The following AP3B1 variants were observed in gnomAD, a reference collection of about 807,000 sequenced individuals.
AP3B1 encodes adaptor related protein complex 3 subunit beta 1, also known as AP-3 complex subunit beta-1.
In AP3B1, 61 loss-of-function variants were observed where a neutral mutation model predicts 132.5. The observed-to-expected ratio is 0.46, with a 90% CI of 0.37 to 0.57. The LOEUF is 0.57. Ranked by LOEUF, AP3B1 falls within the 20% of genes least tolerant of loss-of-function variation. The pLI, the probability that AP3B1 is intolerant of heterozygous loss-of-function variation, is 0.00. For missense variants in AP3B1, 1,120 were observed against 1,289.4 expected, an observed-to-expected ratio of 0.87 and a Z score of 2.01; for synonymous variants, 388 against 438.3, an observed-to-expected ratio of 0.89 and a Z score of 1.43.
At chr5:78,243,676 C>A (rs1747242375) in intron 2 of AP3B1, among the ~76,000 whole-genome samples, 1 of 152,132 alleles carries the variant, frequency 6.6e-6, no homozygotes, top group Non-Finnish European at 1.5e-5. Flanking sequence ...AAAGGCCTTC[C>A]TTTTGGCAGG....
chr5:78,135,619 T>C (rs907134722), intron 15 of AP3B1, among the ~76,000 whole-genome samples: 1 of 152,188 alleles, frequency 6.6e-6, no homozygotes, highest in Non-Finnish European at 1.5e-5. Context: ...CACATATGTA[T>C]TTATGCTATT....
intron 7 of AP3B1, among the ~76,000 whole-genome samples, chr5:78,205,699 T>C (rs553790191): frequency 3.7e-4 from 57 of 152,198 alleles, no homozygotes; most frequent in South Asian, 2.1e-3. Context: ...TAGAAAATGG[T>C]CAGCATGTCA....
intron 22 of AP3B1, among the ~76,000 whole-genome samples, chr5:78,046,329 G>C (rs1237284546): frequency 6.6e-6 from 1 of 152,192 alleles, no homozygotes; most frequent in Non-Finnish European, 1.5e-5. Context: ...CGCATGCGAG[G>C]GATCTAGGCA....
At chr5:78,111,675 G>A (rs989907900) in intron 19 of AP3B1, among the ~76,000 whole-genome samples, 2 of 152,052 alleles carry the variant, frequency 1.3e-5, no homozygotes, top group South Asian at 2.1e-4. Flanking sequence ...TTCTCTCAGG[G>A]GATGACAAAT....
rs762722968 is a variant in AP3B1, at chr5:78,128,084, A to G, written c.1914T>C (p.Asn638=). The G allele has an allele frequency of 3.7e-6, 6 of 1,613,364 alleles. No homozygotes were observed. The highest frequency in any genetic ancestry group is 5.1e-6 in the Non-Finnish European group (6 of 1,179,480). ...ATGGGTCGGGCGCCACCTCTGGCCA[A>G]TTAGATAATTCCAGGTACCCAGTAG... ...IKATGYLELS[N]WPEVAPDPSV... is the part of the protein sequence containing the mutation. The change falls in exon 17 of 27, where the codon AAT becomes AAC. Residue 638 remains asparagine, a synonymous_variant. Coordinates refer to ENST00000255194, the MANE Select transcript of AP3B1 (RefSeq NM_003664.5).
At chr5:78,059,455 C>G (rs1433538974) in intron 22 of AP3B1, among the ~76,000 whole-genome samples, 1 of 152,180 alleles carries the variant, frequency 6.6e-6, no homozygotes. Context: ...AACCCCTGTT[C>G]TGAATTCTTA....
intron 1 of AP3B1, among the ~76,000 whole-genome samples, chr5:78,277,571 G>A (rs779128403): frequency 2.4e-4 from 37 of 152,236 alleles, no homozygotes; most frequent in South Asian, 2.3e-3. Flanking sequence ...CTGAGGTCTC[G>A]AAGTACAAGG....
At chr5:78,237,077 C>T (rs1561494151) in intron 3 of AP3B1, among the ~76,000 whole-genome samples, 1 of 152,134 alleles carries the variant, frequency 6.6e-6, no homozygotes, top group Non-Finnish European at 1.5e-5. Flanking sequence ...CATAAACTGG[C>T]CACAAGAATA....
At chr5:78,164,977 A>C (rs1466154255) in intron 12 of AP3B1, among the ~76,000 whole-genome samples, 2 of 152,186 alleles carry the variant, frequency 1.3e-5, no homozygotes, top group Non-Finnish European at 2.9e-5. Context: ...CATAATACTG[A>C]TGTAAAGTTT....
intron 13 of AP3B1, among the ~76,000 whole-genome samples, chr5:78,159,552 A>G (rs1047430957): frequency 6.6e-6 from 1 of 152,074 alleles, no homozygotes; most frequent in Non-Finnish European, 1.5e-5. Flanking sequence ...TCTTCCAACA[A>G]TCACATCACC....
At chr5:78,038,270 T>C (rs977460675) in intron 23 of AP3B1, among the ~76,000 whole-genome samples, 1 of 152,186 alleles carries the variant, frequency 6.6e-6, no homozygotes, top group Non-Finnish European at 1.5e-5. Flanking sequence ...ATGTAAAAAT[T>C]GGATGTGGAT....
At chr5:78,193,792 C>T (rs1352012606) in intron 7 of AP3B1, among the ~76,000 whole-genome samples, 13 of 104,374 alleles carry the variant, frequency 1.2e-4, no homozygotes, top group South Asian at 1.2e-3. Flanking sequence ...GACAGAGTCT[C>T]GCTCTGTCAC....
At chr5:78,213,081 G>A (rs150850680) in intron 7 of AP3B1, among the ~76,000 whole-genome samples, 2,146 of 151,842 alleles carry the variant, frequency 0.014, 58 homozygotes, top group African/African-American at 0.049. Context: ...GGGTTTCACC[G>A]TGTTAGCCAG....
intron 20 of AP3B1, among the ~76,000 whole-genome samples, chr5:78,106,414 T>C (rs753192819): frequency 9.2e-5 from 14 of 152,104 alleles, no homozygotes; most frequent in African/African-American, 3.4e-4. Context: ...GCTGGGATCA[T>C]GCCACTGCAT....
chr5:78,205,806 C>A (rs576578631), intron 7 of AP3B1, among the ~76,000 whole-genome samples: 3 of 152,064 alleles, frequency 2.0e-5, no homozygotes, highest in Non-Finnish European at 2.9e-5. Flanking sequence ...AGGACATACA[C>A]AGAATCATGG....
rs114284166 is a variant in AP3B1 at position 78,091,650 on chromosome 5, T to A, written c.2471-2151A>T. On this transcript the variant is annotated intron_variant, in intron 21 of 26. Transcript: ENST00000255194. ...GAATAAGAGGAAAGAAAGAAGCCAG[T>A]TAATTGTTGGATAACAGAATGCTAT... is the stretch of plus-strand genomic sequence containing the variant. Among the ~76,000 whole-genome samples, 282 of 152,306 alleles carry A rather than the reference T, an allele frequency of 1.9e-3. 1 individual carries two copies. The highest frequency in any genetic ancestry group is 6.5e-3 in the African/African-American group (271 of 41,576).
intron 14 of AP3B1, among the ~76,000 whole-genome samples, chr5:78,155,320 C>T (rs549253489): frequency 1.2e-4 from 19 of 152,296 alleles, no homozygotes; most frequent in Admixed American, 5.9e-4. Context: ...GATGAGAAAG[C>T]GGTGACACCG....
chr5:78,164,815 T>C lies in AP3B1; in HGVS notation c.1230+795A>G, dbSNP rs76741013. On this transcript the variant is annotated intron_variant, in intron 12 of 26. Coordinates refer to ENST00000255194, the MANE Select transcript of AP3B1 (RefSeq NM_003664.5). ...AAGAAATCGTGTATACAGTGTCTTA[T>C]AACCAAGAAGAAATTTAATATTGGC... is the stretch of plus-strand genomic sequence containing the variant. Among the ~76,000 whole-genome samples, 1,095 of 152,196 alleles carry C rather than the reference T, an allele frequency of 7.2e-3. 9 individuals carry two copies. Among genetic ancestry groups the C allele is most frequent in the African/African-American group, 0.025 (1,045 of 41,542 alleles).
At chr5:78,257,510 G>A (rs1580553823) in intron 2 of AP3B1, among the ~76,000 whole-genome samples, 1 of 152,238 alleles carries the variant, frequency 6.6e-6, no homozygotes, top group African/African-American at 2.4e-5. Flanking sequence ...ACTGAAGAAG[G>A]AAATTGAAAA....
Sources: gnomAD v4.1 joint callset for allele counts (sites outside exome capture counted in the v4.1 genomes callset) on GRCh38, gnomAD v4.1.1 for gene constraint, MANE v1.5 for transcripts, NCBI Gene and HGNC (gene_info 2026-07-23, HGNC 2026-07-21) for gene names.